The following SCUBE1 variants were observed in gnomAD, a reference collection of about 807,000 sequenced individuals.
SCUBE1 encodes the protein signal peptide, CUB and EGF-like domain-containing protein 1.
Under a neutral mutation model 124.4 loss-of-function variants are expected in SCUBE1, and 59 were observed. That is an observed-to-expected ratio of 0.47 (90% confidence interval 0.38 to 0.59). SCUBE1 has a LOEUF of 0.59. Ranked by LOEUF, SCUBE1 falls within the 20% of genes least tolerant of loss-of-function variation. The pLI is 0.00. For missense variants in SCUBE1, 1,150 were observed against 1,371.2 expected, an observed-to-expected ratio of 0.84 and a Z score of 2.55; for synonymous variants, 545 against 550.9, an observed-to-expected ratio of 0.99 and a Z score of 0.15.
chr22:43,238,914 G>C lies in SCUBE1; in HGVS notation c.768C>G (p.Cys256Trp), dbSNP rs1922883149. The change falls in exon 7 of 22, where the codon TGC (cysteine) becomes TGG (tryptophan). Residue 256 changes from cysteine (C) to tryptophan (W), a missense_variant. Transcript: ENST00000360835. ...ATCGCACGCCAGTGGCTGTGTCCTT[G>C]CATGTCCGGTCGCAGCCTCCGTTAT... ...AVNNGGCDRT[C>W]KDTATGVRCS... 1 of 1,613,020 alleles carries C rather than the reference G, an allele frequency of 6.2e-7. No homozygotes were observed. Among genetic ancestry groups the C allele is most frequent in the African/African-American group, 1.3e-5 (1 of 74,950 alleles).
intron 10 of SCUBE1, among the ~76,000 whole-genome samples, chr22:43,225,586 C>T (rs1393410285): frequency 6.6e-6 from 1 of 151,004 alleles, no homozygotes; most frequent in African/African-American, 2.4e-5. Flanking sequence ...ACCAGCCTGA[C>T]CAACATGGTG....
At chr22:43,330,912 G>A (rs1214635856) in intron 2 of SCUBE1, among the ~76,000 whole-genome samples, 1 of 152,148 alleles carries the variant, frequency 6.6e-6, no homozygotes, top group African/African-American at 2.4e-5. Context: ...ATAATTGCAT[G>A]TTTTAAGACT....
At chr22:43,241,132 C>G (rs893760230) in intron 6 of SCUBE1, among the ~76,000 whole-genome samples, 1 of 152,180 alleles carries the variant, frequency 6.6e-6, no homozygotes, top group African/African-American at 2.4e-5. Flanking sequence ...CCTAATGGGA[C>G]TTGGAAGCTC....
intron 4 of SCUBE1, among the ~76,000 whole-genome samples, chr22:43,266,563 C>T (rs1156638087): frequency 6.6e-6 from 1 of 152,136 alleles, no homozygotes; most frequent in African/African-American, 2.4e-5. Context: ...CTTATAGAGA[C>T]AGAAAATGAG....
At chr22:43,247,970 G>T (rs1290922410) in intron 6 of SCUBE1, among the ~76,000 whole-genome samples, 2 of 152,210 alleles carry the variant, frequency 1.3e-5, no homozygotes, top group African/African-American at 4.8e-5. Context: ...GCATCTCGAA[G>T]GGCTTTGGGG....
chr22:43,236,080 G>C (rs1922750232), intron 7 of SCUBE1, among the ~76,000 whole-genome samples: 1 of 152,172 alleles, frequency 6.6e-6, no homozygotes, highest in Admixed American at 6.5e-5. Context: ...TTGACATTTT[G>C]GCTTTCAGAA....
intron 4 of SCUBE1, among the ~76,000 whole-genome samples, chr22:43,280,018 T>C (rs757899957): frequency 9.2e-5 from 14 of 152,270 alleles, no homozygotes; most frequent in East Asian, 5.8e-4. Flanking sequence ...GTCCCTGCAA[T>C]TGATTACAGC....
chr22:43,203,895 G>A lies in SCUBE1; in HGVS notation c.*102C>T. 1 of 1,284,524 alleles carries A rather than the reference G, an allele frequency of 7.8e-7. No individual in the cohort carries two copies. Among genetic ancestry groups the A allele is most frequent in the Non-Finnish European group, 1.1e-6 (1 of 908,502 alleles). 79.6% of individuals were successfully genotyped at this position (1,284,524 alleles called of 1,614,324 possible). A position where few individuals can be genotyped will look rare whatever the true frequency, so the allele number is the denominator to read the frequency against. ...CGGCTTCCCTGAAGGGCAGTGCCAT[G>A]GGGTTCCCAAGGTGGTGTGGAGGCC... On this transcript the variant is annotated 3_prime_UTR_variant, in exon 22 of 22. Transcript: ENST00000360835.
In SCUBE1 at chr22:43,203,299, G is replaced by C. The variant is rs1008553401; in HGVS notation, c.*698C>G. The C allele has an allele frequency of 1.3e-5, 2 of 151,418 alleles. No homozygotes were observed. The highest frequency in any genetic ancestry group is 2.9e-5 in the Non-Finnish European group (2 of 67,922). 9.4% of individuals were successfully genotyped at this position (151,418 alleles called of 1,614,324 possible). A position where few individuals can be genotyped will look rare whatever the true frequency, so the allele number is the denominator to read the frequency against. On this transcript the variant is annotated 3_prime_UTR_variant, in exon 22 of 22. Coordinates refer to ENST00000360835, the MANE Select transcript of SCUBE1 (RefSeq NM_173050.5). The stretch of plus-strand genomic sequence containing the variant: ...CACTGGGCTCATGCGGGAAGGGATG[G>C]GGTCACAATTCATATTTACAGTGAC...
chr22:43,282,559 C>G (rs1356215605), intron 4 of SCUBE1: 1 of 152,196 alleles, frequency 6.6e-6, no homozygotes, highest in East Asian at 1.9e-4. Context: ...ACTCCTGCTG[C>G]TACCCAATCT....
At chr22:43,262,685 CG>C (rs1923915511) in intron 5 of SCUBE1, 34 bp downstream of exon 5, 9 of 1,609,076 alleles carry the variant, frequency 5.6e-6, no homozygotes, top group Non-Finnish European at 6.8e-6. Context: ...AGGAGACGCA[CG>C]GGACGTTTGA....
At chr22:43,218,145 T>C (rs1298479371) in intron 15 of SCUBE1, 110 bp downstream of exon 15, 3 of 1,031,838 alleles carry the variant, frequency 2.9e-6, no homozygotes, top group Non-Finnish European at 4.4e-6. Context: ...TGCATCTCTC[T>C]GTCCCCTCCC....
intron 3 of SCUBE1, among the ~76,000 whole-genome samples, chr22:43,314,597 C>T (rs536024120): frequency 1.3e-5 from 2 of 152,114 alleles, no homozygotes; most frequent in South Asian, 2.1e-4. Flanking sequence ...AAAACTCCCC[C>T]AAAAGGGTCC....
intron 2 of SCUBE1, among the ~76,000 whole-genome samples, chr22:43,325,018 A>T (rs78731803): frequency 6.6e-6 from 1 of 150,490 alleles, no homozygotes; most frequent in Non-Finnish European, 1.5e-5. Flanking sequence ...GGACACAGAC[A>T]TACAGGGAGA....
chr22:43,315,092 T>G (rs2146779031), intron 3 of SCUBE1, among the ~76,000 whole-genome samples: 1 of 152,150 alleles, frequency 6.6e-6, no homozygotes, highest in Middle Eastern at 3.4e-3. Context: ...GATACCACCA[T>G]GGGGACAAAC....
chr22:43,247,711 G>A (rs986307721), intron 6 of SCUBE1, among the ~76,000 whole-genome samples: 3 of 152,258 alleles, frequency 2.0e-5, no homozygotes, highest in African/African-American at 7.2e-5. Flanking sequence ...GCTGCAGGAG[G>A]AGCAGGCCGT....
chr22:43,254,471 C>T (rs921316183), intron 6 of SCUBE1, among the ~76,000 whole-genome samples: 1 of 152,200 alleles, frequency 6.6e-6, no homozygotes, highest in Admixed American at 6.5e-5. Context: ...TCTCTGGGAC[C>T]TTTAGGCTCT....
At chr22:43,247,533 G>A (rs1369295905) in intron 6 of SCUBE1, among the ~76,000 whole-genome samples, 2 of 152,208 alleles carry the variant, frequency 1.3e-5, no homozygotes, top group Non-Finnish European at 2.9e-5. Context: ...CCTTCCTTGG[G>A]TCAGACCAGG....
chr22:43,256,483 A>G (rs2146704885), intron 6 of SCUBE1, among the ~76,000 whole-genome samples: 1 of 152,230 alleles, frequency 6.6e-6, no homozygotes, highest in South Asian at 2.1e-4. Context: ...CTTCCTGGAC[A>G]GGAGTAGAAG....
Sources: allele counts gnomAD v4.1 joint callset (sites outside exome capture counted in the v4.1 genomes callset), GRCh38; gene constraint gnomAD v4.1.1; transcripts MANE v1.5; gene names NCBI Gene and HGNC (gene_info 2026-07-23, HGNC 2026-07-21).